Variants in FAM13C observed in about 807,000 individuals in gnomAD.
FAM13C encodes the protein family with sequence similarity 13 member C.
FAM13C carries 37 observed loss-of-function variants against 73.2 expected under a neutral mutation model. The ratio of observed to expected loss-of-function variants is 0.51; its 90% confidence interval spans 0.39 to 0.67. The LOEUF is 0.67. Ranked by LOEUF, FAM13C falls within the 30% of genes least tolerant of loss-of-function variation. The pLI is 0.00. For synonymous variants in FAM13C, 246 were observed against 260.9 expected, an observed-to-expected ratio of 0.94 and a Z score of 0.55; for missense variants, 589 against 715.6, an observed-to-expected ratio of 0.82 and a Z score of 2.02.
intron 3 of FAM13C, among the ~76,000 whole-genome samples, chr10:59,347,698 C>A (rs1418400948): frequency 6.6e-6 from 1 of 150,780 alleles, no homozygotes; most frequent in Non-Finnish European, 1.5e-5. Context: ...CCGCAACAGG[C>A]CCCAGTGTGT....
At chr10:59,354,315 C>G (rs570917869) in intron 2 of FAM13C, among the ~76,000 whole-genome samples, 5 of 152,126 alleles carry the variant, frequency 3.3e-5, no homozygotes, top group Non-Finnish European at 5.9e-5. Context: ...ATTACACAAA[C>G]GTAAAACCTG....
At chr10:59,253,083 A>T in intron 11 of FAM13C, 85 bp from the exon 12 acceptor site, 1 of 1,364,054 alleles carries the variant, frequency 7.3e-7, no homozygotes, top group Non-Finnish European at 1.0e-6. Flanking sequence ...GGAACTATAA[A>T]TCAATGCCAT....
At chr10:59,343,811 G>C (rs954021522) in intron 3 of FAM13C, among the ~76,000 whole-genome samples, 1 of 152,112 alleles carries the variant, frequency 6.6e-6, no homozygotes, top group Non-Finnish European at 1.5e-5. Flanking sequence ...CACTTTTGTT[G>C]GTTTAAATCA....
Position 59,247,403 on chromosome 10 carries a change from C to T in FAM13C, c.*211G>A. ...GCATGGAGGACACTGAATTTTTTCC[C>T]AATTATATGGCTACCTGTTGTATTC... On this transcript the variant is annotated 3_prime_UTR_variant, in exon 14 of 14. Transcript: ENST00000618804. 3 of 541,768 alleles carry T rather than the reference C, an allele frequency of 5.5e-6. No individual in the cohort carries two copies. Among genetic ancestry groups the T allele is most frequent in the Admixed American group, 3.8e-5 (1 of 26,516 alleles). 33.6% of individuals were successfully genotyped at this position (541,768 alleles called of 1,614,324 possible). A position where few individuals can be genotyped will look rare whatever the true frequency, so the allele number is the denominator to read the frequency against.
chr10:59,281,611 T>G (rs1174825682), intron 6 of FAM13C, among the ~76,000 whole-genome samples: 2 of 152,240 alleles, frequency 1.3e-5, no homozygotes, highest in Non-Finnish European at 2.9e-5. Flanking sequence ...CATTTGATAT[T>G]TAACATGGAA....
At chr10:59,265,497 T>G (rs547686471) in intron 8 of FAM13C, among the ~76,000 whole-genome samples, 1 of 152,256 alleles carries the variant, frequency 6.6e-6, no homozygotes, top group African/African-American at 2.4e-5. Context: ...GTCAATGTTT[T>G]ACATTTGGTT....
At chr10:59,341,799 C>G (rs1386897162) in intron 3 of FAM13C, among the ~76,000 whole-genome samples, 1 of 152,130 alleles carries the variant, frequency 6.6e-6, no homozygotes, top group Non-Finnish European at 1.5e-5. Flanking sequence ...TAACAAAACA[C>G]GATGAGCTTT....
chr10:59,319,118 CATT>C (rs1314993886), intron 4 of FAM13C, among the ~76,000 whole-genome samples: 2 of 134,024 alleles, frequency 1.5e-5, no homozygotes, highest in East Asian at 2.0e-4. Flanking sequence ...CACACACACA[CATT>C]GTCTATCTCA....
Position 59,262,579 on chromosome 10 carries a change from C to T in FAM13C, c.1091G>A (p.Cys364Tyr), listed in dbSNP as rs771772201. The stretch of plus-strand genomic sequence containing the variant: ...TTCTCTGGGGACTGTGGGTTGCTCA[C>T]ACAACAGGTTTCTAGGTGGACCTTT... ...APKGPPRNLLCEQPTVPRENG... is the reference protein window; with the variant it reads ...APKGPPRNLLYEQPTVPRENG... Residue 364 changes from cysteine (C) to tyrosine (Y), a missense_variant, in exon 10 of 14, where the codon TGT becomes TAT. Transcript: ENST00000618804. The T allele has an allele frequency of 2.5e-6, 4 of 1,613,802 alleles. No homozygotes were observed. In the East Asian group the frequency reaches 8.9e-5, roughly 36 times the overall value.
At chr10:59,302,155 CAG>C (rs1847682007) in intron 5 of FAM13C, among the ~76,000 whole-genome samples, 2 of 152,286 alleles carry the variant, frequency 1.3e-5, no homozygotes, top group South Asian at 4.1e-4. Flanking sequence ...CAAGAAGAGC[CAG>C]AGAGAGTATT....
At chr10:59,293,838 T>A (rs1297366726) in intron 5 of FAM13C, among the ~76,000 whole-genome samples, 2 of 152,224 alleles carry the variant, frequency 1.3e-5, no homozygotes, top group African/African-American at 4.8e-5. Flanking sequence ...TGGATACACA[T>A]TTGCTTCTCA....
At chr10:59,321,610 C>T (rs1323002048) in intron 4 of FAM13C, among the ~76,000 whole-genome samples, 1 of 151,968 alleles carries the variant, frequency 6.6e-6, no homozygotes, top group African/African-American at 2.4e-5. Flanking sequence ...CATAGACCTT[C>T]CTGAGTCTCA....
chr10:59,263,994 G>T, intron 9 of FAM13C, 91 bp downstream of exon 9: 1 of 1,156,880 alleles, frequency 8.6e-7, no homozygotes, highest in Non-Finnish European at 1.3e-6. Context: ...AGAGGGCACA[G>T]GTGGAAATGA....
intron 3 of FAM13C, among the ~76,000 whole-genome samples, chr10:59,344,591 C>T (rs757891038): frequency 3.3e-5 from 5 of 152,096 alleles, no homozygotes; most frequent in Non-Finnish European, 7.4e-5. Context: ...CTGTAAACTA[C>T]TTCTAATCCC....
chr10:59,362,728 G>A (rs1346836333), upstream of FAM13C: 1 of 622,054 alleles, frequency 1.6e-6, no homozygotes, highest in Non-Finnish European at 2.6e-6. Flanking sequence ...CCAGCGAGGA[G>A]CACCTGGAGA....
chr10:59,248,126 A>G (rs545346215), intron 13 of FAM13C, among the ~76,000 whole-genome samples: 62 of 152,282 alleles, frequency 4.1e-4, no homozygotes, highest in African/African-American at 1.4e-3. Context: ...GCCCTAATAC[A>G]GTTGTTAAAA....
chr10:59,281,550 A>G (rs1351106401), intron 6 of FAM13C, among the ~76,000 whole-genome samples: 1 of 152,214 alleles, frequency 6.6e-6, no homozygotes, highest in Non-Finnish European at 1.5e-5. Flanking sequence ...TGGAAAATCC[A>G]GCATGCAACC....
At chr10:59,302,579 G>A (rs1847726615) in intron 5 of FAM13C, among the ~76,000 whole-genome samples, 1 of 152,160 alleles carries the variant, frequency 6.6e-6, no homozygotes, top group Non-Finnish European at 1.5e-5. Context: ...TTGGGTTAGG[G>A]CCAAGACATC....
In FAM13C at chr10:59,281,663, C is replaced by G. The variant is rs541164715; in HGVS notation, c.592+1700G>C. Among the ~76,000 whole-genome samples, 38 of 152,230 alleles carry G rather than the reference C, an allele frequency of 2.5e-4. No individual in the cohort carries two copies. In the South Asian group the frequency reaches 7.7e-3, roughly 31 times the overall value. On this transcript the variant is annotated intron_variant, in intron 6 of 13. Transcript: ENST00000618804. ...CCGTGTGAGCAATCCCTACATAAAC[C>G]CTGTATTTATTTTCATTTTATAACA...
Sources: gnomAD v4.1 joint callset for allele counts (sites outside exome capture counted in the v4.1 genomes callset) on GRCh38, gnomAD v4.1.1 for gene constraint, MANE v1.5 for transcripts, NCBI Gene and HGNC (gene_info 2026-07-23, HGNC 2026-07-21) for gene names.